The following KLHL1 variants were observed in gnomAD, a reference collection of about 807,000 sequenced individuals.
KLHL1 encodes the protein kelch-like protein 1.
KLHL1 carries 47 observed loss-of-function variants against 77.7 expected under a neutral mutation model. That is an observed-to-expected ratio of 0.60 (90% CI 0.48 to 0.77). The LOEUF (loss-of-function observed/expected upper bound fraction) is 0.77, where lower values mean the gene tolerates loss of function less well. Ranked by LOEUF, KLHL1 falls within the 30% of genes least tolerant of loss-of-function variation. The probability of loss-of-function intolerance (pLI) is 0.00; values close to 1 mark genes in which losing one functional copy is unlikely to be tolerated. For synonymous variants in KLHL1, 360 were observed against 325.2 expected, an observed-to-expected ratio of 1.11 and a Z score of -1.15; for missense variants, 925 against 910.8, an observed-to-expected ratio of 1.02 and a Z score of -0.20.
At position 69,936,689 on chromosome 13, in the gene KLHL1, G is replaced by A. The variant is rs186592359; in HGVS notation, c.1014+3351C>T. Among the ~76,000 whole-genome samples the A allele has an allele frequency of 4.6e-4, 69 of 151,314 alleles. 1 individual carries two copies. The highest frequency in any genetic ancestry group is 1.9e-4 in the Non-Finnish European group (13 of 67,888). On this transcript the variant is annotated intron_variant, in intron 4 of 10. Transcript: ENST00000377844. ...TAATTAAGAAAATAAAACACTCAAT[G>A]TTCTAAGTTTAAAAGATATGAATAG...
At chr13:70,105,091 T>C (rs1310413918) in intron 1 of KLHL1, among the ~76,000 whole-genome samples, 2 of 151,980 alleles carry the variant, frequency 1.3e-5, no homozygotes, top group African/African-American at 4.8e-5. Flanking sequence ...AAAAATAAAA[T>C]TGGACCTGAT....
chr13:69,848,287 C>A (rs1193062770), intron 5 of KLHL1, among the ~76,000 whole-genome samples: 1 of 151,510 alleles, frequency 6.6e-6, no homozygotes, highest in Non-Finnish European at 1.5e-5. Context: ...GCTCGTAGCA[C>A]TTCATTAGTG....
intron 1 of KLHL1, among the ~76,000 whole-genome samples, chr13:70,044,317 G>A (rs770579435): frequency 5.3e-5 from 8 of 152,054 alleles, no homozygotes; most frequent in Non-Finnish European, 1.0e-4. Context: ...TTACATCTCT[G>A]CTCAAATGAA....
chr13:70,092,225 T>C (rs764216232), intron 1 of KLHL1, among the ~76,000 whole-genome samples: 11 of 152,186 alleles, frequency 7.2e-5, no homozygotes, highest in Non-Finnish European at 1.6e-4. Flanking sequence ...CCACAAATTT[T>C]ATAGTAACTG....
At position 70,054,497 on chromosome 13, in the gene KLHL1, G is replaced by A. The variant is rs564608248; in HGVS notation, c.497+52706C>T. Reference sequence around the variant, plus strand: ...GATTTTATCCATTCTATTGTTAATGGATATTTGTTTCCAGTTTAAGTTATC... The same window carrying A: ...GATTTTATCCATTCTATTGTTAATGAATATTTGTTTCCAGTTTAAGTTATC... On this transcript the variant is annotated intron_variant, in intron 1 of 10. Coordinates refer to ENST00000377844, the MANE Select transcript of KLHL1 (RefSeq NM_020866.3). Among the ~76,000 whole-genome samples, 494 of 152,014 alleles carry A rather than the reference G, an allele frequency of 3.2e-3. 3 individuals carry two copies. The highest frequency in any genetic ancestry group is 5.1e-3 in the Non-Finnish European group (349 of 67,922).
intron 1 of KLHL1, among the ~76,000 whole-genome samples, chr13:70,073,412 G>A (rs771829204): frequency 6.6e-5 from 10 of 152,062 alleles, no homozygotes; most frequent in Non-Finnish European, 1.5e-4. Context: ...CTGTTGTGGG[G>A]TTCGGGGAGG....
intron 7 of KLHL1, among the ~76,000 whole-genome samples, chr13:69,763,522 TTGAC>T (rs1483821410): frequency 1.1e-4 from 17 of 152,178 alleles, no homozygotes; most frequent in Admixed American, 3.9e-4. Context: ...TGCGCTCTCT[TTGAC>T]TGAGATGACA....
intron 1 of KLHL1, among the ~76,000 whole-genome samples, chr13:70,035,667 G>A (rs1886220519): frequency 6.6e-6 from 1 of 151,970 alleles, no homozygotes; most frequent in South Asian, 2.1e-4. Context: ...ATTAGGGAAA[G>A]GAGACTGAGG....
intron 3 of KLHL1, among the ~76,000 whole-genome samples, chr13:69,955,045 C>T (rs149592301): frequency 0.01 from 1,558 of 151,086 alleles, 26 homozygotes; most frequent in African/African-American, 0.035. Context: ...AAGGCTCAGT[C>T]TCTTAAATCA....
chr13:70,084,005 G>A lies in KLHL1; in HGVS notation c.497+23198C>T, dbSNP rs376508287. Among the ~76,000 whole-genome samples the A allele has an allele frequency of 1.2e-4, 19 of 152,024 alleles. 1 individual carries two copies. In the East Asian group the frequency reaches 3.3e-3, roughly 26 times the overall value. On this transcript the variant is annotated intron_variant, in intron 1 of 10. Coordinates refer to ENST00000377844, the MANE Select transcript of KLHL1 (RefSeq NM_020866.3). ...ACTCTAGAAGAAAGTCACTCAAAAC[G>A]CAAAAATGATAGAGGAAGTGGATAA...
chr13:69,714,500 A>T (rs1241106788), intron 9 of KLHL1, among the ~76,000 whole-genome samples: 2 of 152,168 alleles, frequency 1.3e-5, no homozygotes, highest in Non-Finnish European at 1.5e-5. Flanking sequence ...AGAACAATAG[A>T]TTATTTATAT....
chr13:69,931,858 A>G (rs1433517407), intron 4 of KLHL1, among the ~76,000 whole-genome samples: 1 of 151,812 alleles, frequency 6.6e-6, no homozygotes, highest in Non-Finnish European at 1.5e-5. Flanking sequence ...TAAATAGAAA[A>G]AAGTTAATGA....
At chr13:69,760,659 G>A (rs575178201) in intron 7 of KLHL1, among the ~76,000 whole-genome samples, 1 of 152,124 alleles carries the variant, frequency 6.6e-6, no homozygotes, top group East Asian at 1.9e-4. Context: ...CCTGCCACAA[G>A]ATTTAAATTT....
In KLHL1 at chr13:70,107,376, A is replaced by C; in HGVS notation, c.324T>G (p.Pro108=). The C allele has an allele frequency of 6.2e-7, 1 of 1,614,180 alleles. No individual in the cohort carries two copies. The highest frequency in any genetic ancestry group is 1.3e-5 in the African/African-American group (1 of 75,044). ...TGGCTGGCTGCTGAGTGCCCTGCCC[A>C]GGAGCCCCTTGCTGCAGCCTCGTGG... is the stretch of plus-strand genomic sequence containing the variant. ...PVATRLQQGA[P]GQGTQQPART... is the part of the protein sequence containing the mutation. Residue 108 remains proline, a synonymous_variant, in exon 1 of 11, where the codon CCT becomes CCG. Coordinates refer to ENST00000377844, the MANE Select transcript of KLHL1 (RefSeq NM_020866.3).
chr13:69,706,597 G>T (rs1875637663), intron 10 of KLHL1, among the ~76,000 whole-genome samples: 1 of 151,880 alleles, frequency 6.6e-6, no homozygotes, highest in Non-Finnish European at 1.5e-5. Context: ...AGGAGATGTG[G>T]TTATTATTCT....
At chr13:70,066,409 T>C (rs1887006253) in intron 1 of KLHL1, among the ~76,000 whole-genome samples, 1 of 152,202 alleles carries the variant, frequency 6.6e-6, no homozygotes, top group Non-Finnish European at 1.5e-5. Context: ...GTAAGACATG[T>C]AGAGTGCAAA....
intron 8 of KLHL1, among the ~76,000 whole-genome samples, chr13:69,721,584 C>T (rs1201141056): frequency 6.6e-6 from 1 of 151,900 alleles, no homozygotes; most frequent in Non-Finnish European, 1.5e-5. Context: ...TAAATAAATG[C>T]ATAGGAAGAC....
intron 6 of KLHL1, among the ~76,000 whole-genome samples, chr13:69,799,959 G>A (rs1239493937): frequency 6.6e-6 from 1 of 152,108 alleles, no homozygotes; most frequent in East Asian, 1.9e-4. Flanking sequence ...GAGGGATCTA[G>A]GTTGATCATA....
intron 7 of KLHL1, among the ~76,000 whole-genome samples, chr13:69,780,108 A>AT (rs1228496537): frequency 8.5e-5 from 13 of 152,124 alleles, no homozygotes; most frequent in African/African-American, 2.6e-4. Context: ...GTGCCCAGCC[A>AT]TTTTTTCTAT....
Sources: gnomAD v4.1 joint callset for allele counts (sites outside exome capture counted in the v4.1 genomes callset) on GRCh38, gnomAD v4.1.1 for gene constraint, MANE v1.5 for transcripts, NCBI Gene and HGNC (gene_info 2026-07-23, HGNC 2026-07-21) for gene names.